Variants in HOMER1 observed in about 807,000 individuals in gnomAD.
The protein encoded by HOMER1 is homer scaffold protein 1.
A neutral mutation model predicts 48.9 loss-of-function variants in HOMER1; 3 were observed. The ratio of observed to expected loss-of-function variants is 0.06; its 90% CI spans 0.03 to 0.16. HOMER1 has a LOEUF of 0.16. Ranked by LOEUF, HOMER1 falls within the 10% of genes least tolerant of loss-of-function variation. The pLI is 1.00. For synonymous variants in HOMER1, 134 were observed against 146.4 expected (o/e 0.92, Z 0.61); for missense variants, 247 against 411.4 (o/e 0.60, Z 3.46).
intron 6 of HOMER1, 185 bp from the exon 7 acceptor site, chr5:79,397,822 G>GAA (rs1561347903): frequency 2.5e-6 from 1 of 406,524 alleles, no homozygotes; most frequent in African/African-American, 2.1e-5. Flanking sequence ...TAGGAAAAGG[G>GAA]AAAAATAATC....
In HOMER1 at chr5:79,489,556, C is replaced by T. The variant is rs144695735; in HGVS notation, c.5+23214G>A. Among the ~76,000 whole-genome samples the T allele has an allele frequency of 4.9e-3, 748 of 151,904 alleles. 5 individuals carry two copies. The highest frequency in any genetic ancestry group is 0.017 in the African/African-American group (718 of 41,394). On this transcript the variant is annotated intron_variant, in intron 1 of 8. Coordinates refer to ENST00000334082, the MANE Select transcript of HOMER1 (RefSeq NM_004272.5). The stretch of plus-strand genomic sequence containing the variant: ...TGGGCGACAGAGCAAGACTCCATCT[C>T]AAAAATAAATAAATAAAAATAAAAA...
intron 1 of HOMER1, among the ~76,000 whole-genome samples, chr5:79,495,314 C>T (rs1435756298): frequency 6.6e-6 from 1 of 152,178 alleles, no homozygotes; most frequent in African/African-American, 2.4e-5. Context: ...TATGCCACCT[C>T]TCTACCTAAA....
chr5:79,403,272 T>C (rs1749579042), intron 5 of HOMER1, among the ~76,000 whole-genome samples: 1 of 152,186 alleles, frequency 6.6e-6, no homozygotes, highest in Admixed American at 6.5e-5. Flanking sequence ...TCACCATTTT[T>C]TGGGGGTTTG....
At chr5:79,505,719 G>A (rs986251064) in intron 1 of HOMER1, among the ~76,000 whole-genome samples, 20 of 152,140 alleles carry the variant, frequency 1.3e-4, no homozygotes, top group African/African-American at 4.8e-4. Context: ...GAAAAGGTAA[G>A]TGTACTATGA....
At chr5:79,510,764 T>G (rs868684070) in intron 1 of HOMER1, 4 of 760,682 alleles carry the variant, frequency 5.3e-6, no homozygotes, top group Non-Finnish European at 9.5e-6. Context: ...CGTGCCCGCA[T>G]TGCCAAGGGG....
In HOMER1 at chr5:79,381,329, C is replaced by T. The variant is rs188975955; in HGVS notation, c.877-5132G>A. On this transcript the variant is annotated intron_variant, in intron 8 of 8. Coordinates refer to ENST00000334082, the MANE Select transcript of HOMER1 (RefSeq NM_004272.5). Reference sequence around the variant, plus strand: ...CCAAAGTGCCCTGTGCATCCAATAGCGTAGATACATCTACAGGAAAGAATC... The same window carrying T: ...CCAAAGTGCCCTGTGCATCCAATAGTGTAGATACATCTACAGGAAAGAATC... Among the ~76,000 whole-genome samples the T allele has an allele frequency of 5.9e-5, 9 of 152,310 alleles. No homozygotes were observed. The East Asian group carries it at 1.3e-3, about 23-fold the overall frequency.
rs538495965 is a variant in HOMER1 at position 79,457,905 on chromosome 5, A to T, written c.6-887T>A. On this transcript the variant is annotated intron_variant, in intron 1 of 8. Coordinates refer to ENST00000334082, the MANE Select transcript of HOMER1 (RefSeq NM_004272.5). ...TGACTCTTACAAAGTTAATATTTTT[A>T]CCCACTTAAAACCACATTTAAAACC... Among the ~76,000 whole-genome samples, 52 of 152,268 alleles carry T rather than the reference A, an allele frequency of 3.4e-4. 1 individual carries two copies. Among genetic ancestry groups the T allele is most frequent in the Middle Eastern group, 6.8e-3 (2 of 294 alleles).
intron 5 of HOMER1, among the ~76,000 whole-genome samples, 153 bp downstream of exon 5, chr5:79,438,855 TTC>T (rs1396274285): frequency 6.6e-6 from 1 of 151,496 alleles, no homozygotes; most frequent in Non-Finnish European, 1.5e-5. Context: ...TGTATTTCAT[TTC>T]TGAGGTTAAC....
chr5:79,483,444 A>T (rs1752002468), intron 1 of HOMER1, among the ~76,000 whole-genome samples: 1 of 152,102 alleles, frequency 6.6e-6, no homozygotes, highest in South Asian at 2.1e-4. Context: ...TACTAAATGC[A>T]CTGAATTGCA....
At chr5:79,503,264 G>A (rs1057451806) in intron 1 of HOMER1, among the ~76,000 whole-genome samples, 3 of 152,196 alleles carry the variant, frequency 2.0e-5, no homozygotes, top group East Asian at 3.9e-4. Flanking sequence ...CAGGCATGGC[G>A]GCTCACGCCT....
intron 5 of HOMER1, among the ~76,000 whole-genome samples, chr5:79,409,243 G>A (rs1749750978): frequency 6.6e-6 from 1 of 151,740 alleles, no homozygotes; most frequent in Admixed American, 6.6e-5. Context: ...GACCAGCCTG[G>A]TCAACATGGT....
At chr5:79,474,994 G>C (rs1033960804) in intron 1 of HOMER1, among the ~76,000 whole-genome samples, 1 of 152,142 alleles carries the variant, frequency 6.6e-6, no homozygotes, top group Admixed American at 6.5e-5. Context: ...GGAAGCCACA[G>C]GCTGCATAAT....
intron 1 of HOMER1, among the ~76,000 whole-genome samples, chr5:79,457,646 C>A (rs1474797869): frequency 3.3e-5 from 5 of 152,044 alleles, no homozygotes; most frequent in Non-Finnish European, 2.9e-5. Context: ...AATGCATTAA[C>A]AATATATATT....
At chr5:79,396,684 T>C (rs1417686227) in intron 8 of HOMER1, 139 bp downstream of exon 8, 2 of 474,558 alleles carry the variant, frequency 4.2e-6, no homozygotes, top group Non-Finnish European at 7.4e-6. Flanking sequence ...AAATCAAAGA[T>C]TAGGCATGAA....
At chr5:79,377,219 G>A (rs1278709208) in intron 8 of HOMER1, among the ~76,000 whole-genome samples, 1 of 152,140 alleles carries the variant, frequency 6.6e-6, no homozygotes, top group African/African-American at 2.4e-5. Flanking sequence ...ACCCGCCTCG[G>A]CCTCCAAATG....
chr5:79,494,905 GAGT>G (rs1362366168), intron 1 of HOMER1, among the ~76,000 whole-genome samples: 1 of 152,200 alleles, frequency 6.6e-6, no homozygotes, highest in Non-Finnish European at 1.5e-5. Flanking sequence ...ATTGCAGCCT[GAGT>G]AGTTGATCTA....
At chr5:79,492,375 T>C (rs73770434) in intron 1 of HOMER1, among the ~76,000 whole-genome samples, 10,330 of 152,144 alleles carry the variant, frequency 0.068, 542 homozygotes, top group African/African-American at 0.14. Flanking sequence ...ATAAGGAAGA[T>C]AGGATAACTT....
intron 1 of HOMER1, among the ~76,000 whole-genome samples, chr5:79,500,994 A>ACACACACACACACACACACACACACAC (rs1491137703): frequency 7.0e-6 from 1 of 143,028 alleles, no homozygotes; most frequent in Admixed American, 6.9e-5. Flanking sequence ...ACACACACAC[A>ACACACACACACACACACACACACACAC]AGGTCTGGCT....
intron 1 of HOMER1, among the ~76,000 whole-genome samples, chr5:79,500,311 G>A (rs1213353277): frequency 6.6e-6 from 1 of 152,144 alleles, no homozygotes; most frequent in African/African-American, 2.4e-5. Context: ...AAAAGAAGAT[G>A]AAGGATCTAA....
Sources: gnomAD v4.1 joint callset for allele counts (sites outside exome capture counted in the v4.1 genomes callset) on GRCh38, gnomAD v4.1.1 for gene constraint, MANE v1.5 for transcripts, NCBI Gene and HGNC (gene_info 2026-07-23, HGNC 2026-07-21) for gene names.